The following FOXN3 variants were observed in gnomAD, a reference collection of about 807,000 sequenced individuals.
FOXN3 encodes forkhead box N3, also known as forkhead box protein N3.
FOXN3 carries 7 observed loss-of-function variants against 38.4 expected under a neutral mutation model. That is an observed-to-expected ratio of 0.18 (90% confidence interval 0.10 to 0.34). The LOEUF is 0.34. Among genes scored for constraint, FOXN3 ranks in the 10% least tolerant of loss-of-function variants. The pLI is 1.00. For missense variants in FOXN3, 456 were observed against 613.4 expected, an observed-to-expected ratio of 0.74 and a Z score of 2.71; for synonymous variants, 230 against 242.2, an observed-to-expected ratio of 0.95 and a Z score of 0.47.
chr14:89,615,423 T>C (rs1217913146), intron 1 of FOXN3, among the ~76,000 whole-genome samples: 1 of 152,228 alleles, frequency 6.6e-6, no homozygotes, highest in Non-Finnish European at 1.5e-5. Context: ...TTGCACATGG[T>C]TGTACCACGA....
At chr14:89,535,253 A>C (rs905962397) in intron 1 of FOXN3, among the ~76,000 whole-genome samples, 3 of 150,896 alleles carry the variant, frequency 2.0e-5, no homozygotes, top group African/African-American at 2.4e-5. Flanking sequence ...AATCTACTCT[A>C]AAAGATCTTC....
At position 89,475,482 on chromosome 14, in the gene FOXN3, G is replaced by A. The variant is rs114996819; in HGVS notation, c.-14-62992C>T. Among the ~76,000 whole-genome samples, 805 of 151,956 alleles carry A rather than the reference G, an allele frequency of 5.3e-3. 6 individuals are homozygous for A. The highest frequency in any genetic ancestry group is 0.018 in the African/African-American group (751 of 41,454). On this transcript the variant is annotated intron_variant, in intron 1 of 6. Coordinates refer to the FOXN3 transcript ENST00000345097. Reference sequence around the variant, plus strand: ...ATCAGCCTGGACAACCTAGGGAGACGCCATCTCTACAAAAATTAAAAAATT... The same window carrying A: ...ATCAGCCTGGACAACCTAGGGAGACACCATCTCTACAAAAATTAAAAAATT...
chr14:89,241,081 A>AC (rs1885127306), intron 4 of FOXN3, among the ~76,000 whole-genome samples: 1 of 151,714 alleles, frequency 6.6e-6, no homozygotes, highest in Non-Finnish European at 1.5e-5. Flanking sequence ...AATTAGCGCT[A>AC]CCCCCCATAT....
At chr14:89,478,931 C>CAA (rs59945805) in intron 1 of FOXN3, among the ~76,000 whole-genome samples, 11 of 54,204 alleles carry the variant, frequency 2.0e-4, no homozygotes, top group African/African-American at 3.7e-4. Context: ...GACTCCATCT[C>CAA]AAAAAAAAAA....
In FOXN3 at chr14:89,247,270, C is replaced by CT. The variant is rs1490823577; in HGVS notation, c.745+33679dup. On this transcript the variant is annotated intron_variant, in intron 4 of 5. Transcript: ENST00000557258. The stretch of plus-strand genomic sequence containing the variant: ...TATTGTATAAAACATGACAATTATC[C>CT]TTTTTCCCTCTCTTCTCCATCCCTA... 5.1e-4 allele frequency among the ~76,000 whole-genome samples: 78 copies of CT among 152,114 alleles called. 1 individual carries two copies. The highest frequency in any genetic ancestry group is 1.8e-4 in the Non-Finnish European group (12 of 68,020).
chr14:89,300,271 C>T (rs1478789923), intron 3 of FOXN3, among the ~76,000 whole-genome samples: 1 of 151,262 alleles, frequency 6.6e-6, no homozygotes, highest in African/African-American at 2.4e-5. Context: ...CAACCTCTAC[C>T]TCCCAGGTTC....
At chr14:89,479,570 T>C (rs1467988141) in intron 1 of FOXN3, among the ~76,000 whole-genome samples, 2 of 152,186 alleles carry the variant, frequency 1.3e-5, no homozygotes, top group African/African-American at 2.4e-5. Context: ...GATGTCTTTC[T>C]CTGTGATCTC....
At chr14:89,289,561 T>C (rs2139931954) in intron 3 of FOXN3, among the ~76,000 whole-genome samples, 1 of 152,358 alleles carries the variant, frequency 6.6e-6, no homozygotes, top group African/African-American at 2.4e-5. Flanking sequence ...AGTTTTCAAA[T>C]GACACGGTAG....
chr14:89,267,007 GAA>G (rs988870173), intron 4 of FOXN3, among the ~76,000 whole-genome samples: 21 of 152,208 alleles, frequency 1.4e-4, no homozygotes, highest in Non-Finnish European at 8.8e-5. Context: ...AAGCAAAGGG[GAA>G]AAGTGATGAA....
chr14:89,608,798 G>A lies in FOXN3; in HGVS notation c.-15+10230C>T, dbSNP rs981523272. Among the ~76,000 whole-genome samples, 9 of 152,200 alleles carry A rather than the reference G, an allele frequency of 5.9e-5. No individual in the cohort carries two copies. In the South Asian group the frequency reaches 1.7e-3, roughly 28 times the overall value. On this transcript the variant is annotated intron_variant, in intron 1 of 6. Transcript: ENST00000345097. The stretch of plus-strand genomic sequence containing the variant: ...TGAGGGAATAGCATTGTTTTCCTAT[G>A]GAAGACTAGAATTATCTTAGGGAAC...
chr14:89,457,231 A>T (rs1410420830), intron 1 of FOXN3, among the ~76,000 whole-genome samples: 1 of 152,086 alleles, frequency 6.6e-6, no homozygotes, highest in Admixed American at 6.5e-5. Flanking sequence ...CTTTCTAGAG[A>T]CCTTCACGGA....
In FOXN3 at chr14:89,423,454, C is replaced by CACA. The variant is rs1328741445; in HGVS notation, c.-14-10965_-14-10964insTGT. ...AAATCTTGACATATTAGACTGCATA[C>CACA]CAATTTAGAATTGTGTGTAAAATCA... is the stretch of plus-strand genomic sequence containing the variant. On this transcript the variant is annotated intron_variant, in intron 1 of 6. Coordinates refer to the FOXN3 transcript ENST00000345097. Among the ~76,000 whole-genome samples the CACA allele has an allele frequency of 1.6e-4, 24 of 152,042 alleles. 1 individual carries two copies. The highest frequency in any genetic ancestry group is 3.4e-4 in the African/African-American group (14 of 41,378).
intron 5 of FOXN3, among the ~76,000 whole-genome samples, chr14:89,170,513 G>A (rs1413833785): frequency 6.6e-6 from 1 of 152,050 alleles, no homozygotes; most frequent in Non-Finnish European, 1.5e-5. Context: ...GTGGCCTCAC[G>A]CAATCTCCCA....
chr14:89,352,401 G>C (rs1889009357), intron 2 of FOXN3, among the ~76,000 whole-genome samples: 1 of 152,188 alleles, frequency 6.6e-6, no homozygotes, highest in Non-Finnish European at 1.5e-5. Flanking sequence ...AAAGAGCTGT[G>C]CAGAAGAAAG....
intron 2 of FOXN3, among the ~76,000 whole-genome samples, chr14:89,377,508 C>T (rs1025963078): frequency 6.6e-6 from 1 of 152,026 alleles, no homozygotes; most frequent in Non-Finnish European, 1.5e-5. Flanking sequence ...TGCCATGATG[C>T]CTAAAACTTT....
intron 3 of FOXN3, among the ~76,000 whole-genome samples, chr14:89,299,269 AGTG>A (rs1341091517): frequency 1.1e-4 from 16 of 152,234 alleles, no homozygotes; most frequent in African/African-American, 3.9e-4. Flanking sequence ...TTCTCAAGGT[AGTG>A]AATAAGTCTC....
intron 4 of FOXN3, among the ~76,000 whole-genome samples, chr14:89,276,496 T>G (rs1320731648): frequency 6.6e-6 from 1 of 151,946 alleles, no homozygotes; most frequent in Non-Finnish European, 1.5e-5. Flanking sequence ...AACCAGTGGT[T>G]TCATCTGTGC....
chr14:89,271,378 G>A (rs1461952270), intron 4 of FOXN3, among the ~76,000 whole-genome samples: 1 of 152,152 alleles, frequency 6.6e-6, no homozygotes, highest in Non-Finnish European at 1.5e-5. Context: ...ATAAAAGCAG[G>A]TTCTGCAGTG....
intron 1 of FOXN3, among the ~76,000 whole-genome samples, chr14:89,498,644 T>C (rs1396718914): frequency 2.6e-5 from 4 of 152,120 alleles, no homozygotes; most frequent in Admixed American, 2.0e-4. Context: ...CTACCTGGAT[T>C]TGGTCACGCT....
Sources: allele counts gnomAD v4.1 joint callset (sites outside exome capture counted in the v4.1 genomes callset), GRCh38; gene constraint gnomAD v4.1.1; transcripts MANE v1.5; gene names NCBI Gene and HGNC (gene_info 2026-07-23, HGNC 2026-07-21).